KAZN: variants seen among roughly 807,000 people sequenced by gnomAD.
KAZN encodes the protein kazrin.
In KAZN, 40 loss-of-function variants were observed where a neutral mutation model predicts 87.4. The observed-to-expected ratio is 0.46, with a 90% confidence interval of 0.36 to 0.60. KAZN has a LOEUF of 0.60. Ranked by LOEUF, KAZN falls within the 20% of genes least tolerant of loss-of-function variation. The probability of loss-of-function intolerance (pLI) is 0.00; values close to 1 mark genes in which losing one functional copy is unlikely to be tolerated. For synonymous variants in KAZN, 466 were observed against 458.3 expected (o/e 1.02, Z -0.22); for missense variants, 898 against 1,073.9 (o/e 0.84, Z 2.29).
chr1:14,180,348 C>A lies in KAZN; in HGVS notation c.92-87C>A, dbSNP rs1432484975. The A allele has an allele frequency of 5.7e-6, 7 of 1,224,464 alleles. No individual in the cohort carries two copies. In the African/African-American group the frequency reaches 6.1e-5, roughly 11 times the overall value. 75.8% of individuals were successfully genotyped at this position (1,224,464 alleles called of 1,614,324 possible). ...CTGGCTTAGACCTTGTATGTACACC[C>A]TTACTTTTCTCTTCAAAATGGCTAG... On this transcript the variant is annotated intron_variant, in intron 1 of 16. Coordinates refer to the KAZN transcript ENST00000636203.
chr1:14,629,485 C>A (rs1264403421), intron 1 of KAZN, among the ~76,000 whole-genome samples: 1 of 152,226 alleles, frequency 6.6e-6, no homozygotes, highest in Non-Finnish European at 1.5e-5. Context: ...GAAAACCTCG[C>A]AGGCTGCGAG....
chr1:14,868,994 G>A (rs968329777), intron 1 of KAZN, among the ~76,000 whole-genome samples: 5 of 152,148 alleles, frequency 3.3e-5, no homozygotes, highest in African/African-American at 1.2e-4. Flanking sequence ...CAGCTTGGGG[G>A]CCCCGGTGGT....
chr1:14,230,382 T>A (rs1474901267), intron 2 of KAZN, among the ~76,000 whole-genome samples: 2 of 152,194 alleles, frequency 1.3e-5, no homozygotes, highest in Non-Finnish European at 2.9e-5. Flanking sequence ...TGAACAGTAT[T>A]ATTTTACTAT....
intron 1 of KAZN, among the ~76,000 whole-genome samples, chr1:14,808,320 G>A (rs1452818156): frequency 8.1e-6 from 1 of 123,914 alleles, no homozygotes; most frequent in Non-Finnish European, 1.6e-5. Context: ...TTTTGAGATG[G>A]CGTCTCACTC....
intron 1 of KAZN, among the ~76,000 whole-genome samples, chr1:14,634,269 A>G (rs1557852794): frequency 6.6e-6 from 1 of 152,230 alleles, no homozygotes; most frequent in Non-Finnish European, 1.5e-5. Flanking sequence ...ACGAGTATGT[A>G]TCAAATACCT....
intron 2 of KAZN, among the ~76,000 whole-genome samples, chr1:14,207,513 A>G (rs570028747): frequency 6.6e-6 from 1 of 152,222 alleles, no homozygotes; most frequent in South Asian, 2.1e-4. Flanking sequence ...GCACAATATG[A>G]TCTCACTCAC....
At chr1:14,899,854 G>A (rs751784899) in intron 1 of KAZN, among the ~76,000 whole-genome samples, 55 of 152,154 alleles carry the variant, frequency 3.6e-4, no homozygotes, top group South Asian at 1.0e-3. Flanking sequence ...GTAACTCTGC[G>A]TTTTTGCTCT....
intron 1 of KAZN, among the ~76,000 whole-genome samples, chr1:14,643,248 C>T (rs1572117988): frequency 2.0e-5 from 3 of 152,090 alleles, no homozygotes; most frequent in African/African-American, 7.2e-5. Context: ...GGGGGAGTTG[C>T]CTTACAGGTT....
At chr1:13,997,026 C>T (rs2359901) in intron 1 of KAZN, among the ~76,000 whole-genome samples, 22,110 of 152,202 alleles carry the variant, frequency 0.15, 1,718 homozygotes, top group Middle Eastern at 0.22. Flanking sequence ...TGCTGTTCTC[C>T]AGCCTCCTCA....
chr1:14,728,287 TA>T (rs796297050), intron 1 of KAZN, among the ~76,000 whole-genome samples: 744 of 70,402 alleles, frequency 0.011, 7 homozygotes, highest in Middle Eastern at 0.019. Context: ...ACACCGTATA[TA>T]TAAAAAAAAA....
chr1:14,328,332 C>T (rs914043512), intron 2 of KAZN, among the ~76,000 whole-genome samples: 48 of 152,168 alleles, frequency 3.2e-4, no homozygotes, highest in Non-Finnish European at 5.9e-4. Flanking sequence ...TCTCTATTCT[C>T]AATTCCCCTC....
intron 8 of KAZN, among the ~76,000 whole-genome samples, chr1:15,068,837 G>C (rs1013922163): frequency 6.6e-6 from 1 of 152,072 alleles, no homozygotes; most frequent in African/African-American, 2.4e-5. Flanking sequence ...CTGATGGAGG[G>C]CTGGCTTTTA....
At chr1:14,163,961 A>G (rs1030402156) in intron 1 of KAZN, among the ~76,000 whole-genome samples, 3 of 152,132 alleles carry the variant, frequency 2.0e-5, no homozygotes, top group Admixed American at 6.5e-5. Context: ...TCTGCTGGAC[A>G]TCTTCTGAGG....
At chr1:15,069,856 G>A (rs1209275693) in intron 8 of KAZN, among the ~76,000 whole-genome samples, 8 of 152,154 alleles carry the variant, frequency 5.3e-5, no homozygotes, top group South Asian at 2.1e-4. Flanking sequence ...TCAGTGGCCC[G>A]TCTGTGTGCT....
intron 1 of KAZN, among the ~76,000 whole-genome samples, chr1:13,919,500 A>T (rs1425986921): frequency 6.6e-6 from 1 of 152,236 alleles, no homozygotes; most frequent in Non-Finnish European, 1.5e-5. Flanking sequence ...TGAAAAGTAC[A>T]TGACAATGCA....
chr1:14,977,568 G>A (rs1403199072), intron 2 of KAZN, among the ~76,000 whole-genome samples: 1 of 152,260 alleles, frequency 6.6e-6, no homozygotes, highest in East Asian at 1.9e-4. Context: ...CTCTGAGTCA[G>A]CTGGAGAATT....
At chr1:13,933,435 C>T (rs554090266) in intron 1 of KAZN, among the ~76,000 whole-genome samples, 23 of 152,172 alleles carry the variant, frequency 1.5e-4, no homozygotes, top group African/African-American at 5.1e-4. Flanking sequence ...GAGGTTGTGG[C>T]GAGCCGAGAT....
At chr1:14,050,384 GTGATTT>G (rs1642277789) in intron 1 of KAZN, among the ~76,000 whole-genome samples, 2 of 152,198 alleles carry the variant, frequency 1.3e-5, no homozygotes, top group East Asian at 3.8e-4. Context: ...TGGAGACTGG[GTGATTT>G]ATAAGGAAAA....
chr1:14,323,103 G>A (rs890233304), intron 2 of KAZN, among the ~76,000 whole-genome samples: 5 of 152,118 alleles, frequency 3.3e-5, no homozygotes, highest in Admixed American at 2.0e-4. Flanking sequence ...AATGGCCTCC[G>A]TGATTCAGTT....
Sources: allele counts gnomAD v4.1 joint callset (sites outside exome capture counted in the v4.1 genomes callset), GRCh38; gene constraint gnomAD v4.1.1; transcripts MANE v1.5; gene names NCBI Gene and HGNC (gene_info 2026-07-23, HGNC 2026-07-21).